MARCHF1: variants seen among roughly 807,000 people sequenced by gnomAD.
MARCHF1 encodes membrane associated ring-CH-type finger 1.
A neutral mutation model predicts 54.2 loss-of-function variants in MARCHF1; 40 were observed. The ratio of observed to expected loss-of-function variants is 0.74; its 90% CI spans 0.57 to 0.96. The LOEUF is 0.96. Ranked by LOEUF, MARCHF1 falls within the 40% of genes least tolerant of loss-of-function variation. The pLI is 0.00. For missense variants in MARCHF1, 586 were observed against 656.5 expected, an observed-to-expected ratio of 0.89 and a Z score of 1.17; for synonymous variants, 236 against 236.3, an observed-to-expected ratio of 1.00 and a Z score of 0.01.
intron 2 of MARCHF1, among the ~76,000 whole-genome samples, chr4:164,064,633 C>A (rs989812392): frequency 6.6e-6 from 1 of 152,124 alleles, no homozygotes. Context: ...TTTGGATGCC[C>A]TTTATTTCTT....
chr4:164,297,667 A>C (rs1487673226), intron 1 of MARCHF1, among the ~76,000 whole-genome samples: 1 of 103,648 alleles, frequency 9.6e-6, no homozygotes, highest in Non-Finnish European at 2.8e-5. Context: ...CTATGAACAA[A>C]GCCTGCAGTT....
chr4:163,957,118 T>C (rs547350906), intron 3 of MARCHF1, among the ~76,000 whole-genome samples: 2 of 152,042 alleles, frequency 1.3e-5, no homozygotes, highest in Admixed American at 1.3e-4. Flanking sequence ...TTTATTTGAA[T>C]TTACTAACAG....
chr4:164,310,561 A>G (rs1734822135), intron 1 of MARCHF1, among the ~76,000 whole-genome samples: 1 of 151,786 alleles, frequency 6.6e-6, no homozygotes, highest in Admixed American at 6.6e-5. Context: ...AGAAACTATT[A>G]AAACCATTCT....
intron 8 of MARCHF1, among the ~76,000 whole-genome samples, chr4:163,571,865 G>GAGCTTTGC (rs1739851877): frequency 6.6e-6 from 1 of 152,066 alleles, no homozygotes; most frequent in African/African-American, 2.4e-5. Context: ...GGCTGCAGAA[G>GAGCTTTGC]AGCTTTGCTG....
At chr4:163,734,074 G>A (rs1260861616) in intron 4 of MARCHF1, among the ~76,000 whole-genome samples, 1 of 152,096 alleles carries the variant, frequency 6.6e-6, no homozygotes. Context: ...AATTAGCTAG[G>A]AGGAAAATGC....
At chr4:163,608,862 G>A (rs1741229493) in intron 7 of MARCHF1, among the ~76,000 whole-genome samples, 1 of 151,902 alleles carries the variant, frequency 6.6e-6, no homozygotes. Flanking sequence ...TTCTCTCAGG[G>A]GTCATTGTTT....
At position 164,080,666 on chromosome 4, in the gene MARCHF1, G is replaced by T. The variant is rs138480511; in HGVS notation, c.-248+30922C>A. Among the ~76,000 whole-genome samples, 1,064 of 150,698 alleles carry T rather than the reference G, an allele frequency of 7.1e-3. 8 individuals are homozygous for T. Among genetic ancestry groups the T allele is most frequent in the African/African-American group, 0.024 (999 of 40,904 alleles). On this transcript the variant is annotated intron_variant, in intron 2 of 9. Transcript: ENST00000514618. ...TATTCTATTGTGTGTGTGTGTGTGT[G>T]TGTGTATATATATATATATGTGTGT...
chr4:164,076,162 AC>A, intron 2 of MARCHF1, among the ~76,000 whole-genome samples: 1 of 152,146 alleles, frequency 6.6e-6, no homozygotes, highest in Non-Finnish European at 1.5e-5. Flanking sequence ...AACAACAACA[AC>A]AACAACAACA....
chr4:164,214,514 T>C (rs905465277), intron 1 of MARCHF1, among the ~76,000 whole-genome samples: 4 of 152,080 alleles, frequency 2.6e-5, no homozygotes, highest in African/African-American at 9.7e-5. Flanking sequence ...TGATAATATA[T>C]TATTAGGCTA....
At chr4:163,990,297 G>C (rs1752948085) in intron 2 of MARCHF1, among the ~76,000 whole-genome samples, 1 of 151,948 alleles carries the variant, frequency 6.6e-6, no homozygotes. Context: ...ATCCCTAACA[G>C]ACACATTTTC....
At chr4:163,721,673 T>C (rs1579226709) in intron 4 of MARCHF1, among the ~76,000 whole-genome samples, 1 of 152,146 alleles carries the variant, frequency 6.6e-6, no homozygotes, top group Non-Finnish European at 1.5e-5. Flanking sequence ...CTTTCTTTGT[T>C]TGGTAGGCTA....
chr4:164,213,816 T>G (rs1731849411), intron 1 of MARCHF1, among the ~76,000 whole-genome samples: 1 of 152,010 alleles, frequency 6.6e-6, no homozygotes, highest in Non-Finnish European at 1.5e-5. Flanking sequence ...AAAATCTTAT[T>G]AATTAAAATC....
chr4:163,938,796 G>T (rs928928321), intron 3 of MARCHF1, among the ~76,000 whole-genome samples: 19 of 152,120 alleles, frequency 1.2e-4, no homozygotes, highest in Admixed American at 5.2e-4. Flanking sequence ...TGGCAGCAAG[G>T]AGAAGCGCAG....
In MARCHF1 at chr4:163,526,967, T is replaced by TTC; in HGVS notation, c.*1780_*1781insGA. The TTC allele has an allele frequency of 6.6e-6, 1 of 151,986 alleles. No homozygotes were observed. Among genetic ancestry groups the TTC allele is most frequent in the South Asian group, 2.1e-4 (1 of 4,826 alleles). The allele number at this position is 151,986 out of a possible 1,614,324, so 9.4% of individuals were successfully genotyped here. A position where few individuals can be genotyped will look rare whatever the true frequency, so the allele number is the denominator to read the frequency against. On this transcript the variant is annotated 3_prime_UTR_variant, in exon 10 of 10. Coordinates refer to ENST00000514618, the MANE Select transcript of MARCHF1 (RefSeq NM_001394959.1). ...CTCATTTAAAGGTTTGTTTTTTTTTTCCCTTTTTCCTATGATCTGTGAAGA... is the reference window on the plus strand; with the variant it reads ...CTCATTTAAAGGTTTGTTTTTTTTTTTCCCCTTTTTCCTATGATCTGTGAAGA...
chr4:164,142,276 G>C (rs572569945), intron 1 of MARCHF1, among the ~76,000 whole-genome samples: 20 of 152,288 alleles, frequency 1.3e-4, no homozygotes, highest in South Asian at 6.2e-4. Context: ...GGCTTGCTTA[G>C]GTAAACAAAG....
At chr4:163,824,054 G>C (rs751414363) in intron 4 of MARCHF1, among the ~76,000 whole-genome samples, 2 of 142,360 alleles carry the variant, frequency 1.4e-5, no homozygotes, top group African/African-American at 2.5e-5. Context: ...ATAAAGCCAA[G>C]TAGCAACTTG....
At chr4:163,969,279 T>C (rs549527047) in intron 3 of MARCHF1, among the ~76,000 whole-genome samples, 2 of 152,310 alleles carry the variant, frequency 1.3e-5, no homozygotes, top group East Asian at 3.9e-4. Flanking sequence ...CCATTTCAAG[T>C]AAGAAAAATG....
intron 3 of MARCHF1, among the ~76,000 whole-genome samples, chr4:163,986,704 C>A (rs1484502880): frequency 6.6e-6 from 1 of 152,082 alleles, no homozygotes; most frequent in Non-Finnish European, 1.5e-5. Flanking sequence ...TGGATTAATA[C>A]CCATATCTTG....
chr4:163,701,448 C>G (rs1472494640), intron 4 of MARCHF1, among the ~76,000 whole-genome samples: 1 of 151,910 alleles, frequency 6.6e-6, no homozygotes, highest in East Asian at 1.9e-4. Flanking sequence ...TCAGTTCTTT[C>G]CTCTTAAAGA....
Sources: allele counts gnomAD v4.1 joint callset (sites outside exome capture counted in the v4.1 genomes callset), GRCh38; gene constraint gnomAD v4.1.1; transcripts MANE v1.5; gene names NCBI Gene and HGNC (gene_info 2026-07-23, HGNC 2026-07-21).